SPAG9: variants seen among roughly 807,000 people sequenced by gnomAD.
SPAG9 encodes sperm associated antigen 9.
A neutral mutation model predicts 166.5 loss-of-function variants in SPAG9; 35 were observed. The observed-to-expected ratio is 0.21, with a 90% CI of 0.16 to 0.28. SPAG9 has a LOEUF of 0.28. Among genes scored for constraint, SPAG9 ranks in the 10% least tolerant of loss-of-function variants. SPAG9 has a pLI of 1.00. For synonymous variants in SPAG9, 534 were observed against 565.5 expected, an observed-to-expected ratio of 0.94 and a Z score of 0.79; for missense variants, 1,235 against 1,603.3, an observed-to-expected ratio of 0.77 and a Z score of 3.92.
intron 19 of SPAG9, among the ~76,000 whole-genome samples, chr17:50,991,872 C>T (rs1016214452): frequency 3.3e-5 from 5 of 151,224 alleles, no homozygotes; most frequent in Non-Finnish European, 7.4e-5. Context: ...GATCCGCCCA[C>T]CTCAGCCTCC....
rs529852613 is a variant in SPAG9, at chr17:51,113,926, C to T, written c.303+6428G>A. On this transcript the variant is annotated intron_variant, in intron 1 of 29. Coordinates refer to ENST00000262013, the MANE Select transcript of SPAG9 (RefSeq NM_001130528.3). ...GGGAGGATCGCTTGAACCCAGGAGGCAGAGGTTGCAGTCAGCCGGGATTAC... is the reference window on the plus strand; with the variant it reads ...GGGAGGATCGCTTGAACCCAGGAGGTAGAGGTTGCAGTCAGCCGGGATTAC... 4.3e-4 allele frequency among the ~76,000 whole-genome samples: 65 copies of T among 152,218 alleles called. No individual in the cohort carries two copies. In the South Asian group the frequency reaches 0.013, roughly 30 times the overall value.
chr17:50,984,495 G>A (rs553364178), intron 24 of SPAG9, among the ~76,000 whole-genome samples: 1 of 152,216 alleles, frequency 6.6e-6, no homozygotes, highest in African/African-American at 2.4e-5. Context: ...GACCATCCTG[G>A]CTAACACAGT....
chr17:50,982,812 G>T (rs1974757117), intron 24 of SPAG9, 140 bp from the exon 25 acceptor site: 5 of 782,280 alleles, frequency 6.4e-6, no homozygotes, highest in Non-Finnish European at 9.6e-6. Context: ...TCTTTTATTT[G>T]CAGCCTGGGT....
At chr17:51,060,505 TAAAAAA>T (rs35700642) in intron 2 of SPAG9, among the ~76,000 whole-genome samples, 1 of 101,490 alleles carries the variant, frequency 9.9e-6, no homozygotes, top group Non-Finnish European at 2.2e-5. Flanking sequence ...TTTGTCTTTT[TAAAAAA>T]AAAAAAAAAA....
At chr17:50,999,870 T>TGTCA (rs1392167974) in intron 13 of SPAG9, among the ~76,000 whole-genome samples, 153 bp from the exon 14 acceptor site, 1 of 152,204 alleles carries the variant, frequency 6.6e-6, no homozygotes, top group Non-Finnish European at 1.5e-5. Context: ...ACCTACCATG[T>TGTCA]GTCAGTCAAT....
intron 6 of SPAG9, among the ~76,000 whole-genome samples, chr17:51,021,596 A>T (rs2045938694): frequency 6.6e-6 from 1 of 152,212 alleles, no homozygotes; most frequent in Admixed American, 6.5e-5. Flanking sequence ...TAAACAGAAA[A>T]TTTGAAAATA....
chr17:51,030,753 C>A (rs1373670195), intron 6 of SPAG9, among the ~76,000 whole-genome samples: 1 of 152,108 alleles, frequency 6.6e-6, no homozygotes, highest in African/African-American at 2.4e-5. Context: ...TATGAATGTC[C>A]TAACTCTGAG....
chr17:51,046,705 C>G, intron 4 of SPAG9: 1 of 1,535,938 alleles, frequency 6.5e-7, no homozygotes, highest in Non-Finnish European at 8.7e-7. Flanking sequence ...AGGAGGCCTA[C>G]ACGGGGGCCA....
At chr17:50,982,746 T>G (rs12453116) in intron 24 of SPAG9, 74 bp from the exon 25 acceptor site, 373,789 of 1,305,090 alleles carry the variant, frequency 0.29, 56,501 homozygotes, top group Admixed American at 0.36. Context: ...AACATTTTAT[T>G]TGTTGTATAA....
chr17:51,035,359 A>C (rs1027364695), intron 5 of SPAG9, among the ~76,000 whole-genome samples: 19 of 152,194 alleles, frequency 1.2e-4, no homozygotes, highest in African/African-American at 4.3e-4. Flanking sequence ...CTATTTTTGC[A>C]ACTTTTCTGT....
intron 28 of SPAG9, among the ~76,000 whole-genome samples, chr17:50,973,756 C>A (rs1973995589): frequency 6.6e-6 from 1 of 152,112 alleles, no homozygotes; most frequent in South Asian, 2.1e-4. Context: ...CAGTTGAAAG[C>A]CTTAGAAGAA....
chr17:51,091,897 T>C (rs2048476487), intron 1 of SPAG9, among the ~76,000 whole-genome samples: 1 of 151,868 alleles, frequency 6.6e-6, no homozygotes, highest in African/African-American at 2.4e-5. Context: ...AAAATGCTTT[T>C]AAGTCCAGAT....
chr17:51,073,095 G>A (rs1301274294), intron 2 of SPAG9, among the ~76,000 whole-genome samples: 3 of 152,188 alleles, frequency 2.0e-5, no homozygotes, highest in African/African-American at 7.2e-5. Flanking sequence ...GGAGGCAGAG[G>A]TGGGCGGATC....
In SPAG9 at chr17:50,996,599, G is replaced by C. The variant is rs1172574865; in HGVS notation, c.1934C>G (p.Ala645Gly). The stretch of plus-strand genomic sequence containing the variant: ...CTTCTGAGGCAGACTCCAGCCAAAA[G>C]CCTGCACTCTACCGTCTTCCTTCTG... ...HVQKEDGRVQAFGWSLPQKYK... is the reference protein window; with the variant it reads ...HVQKEDGRVQGFGWSLPQKYK... Residue 645 changes from alanine to glycine, a missense_variant, in exon 16 of 30, where the codon GCT (alanine) becomes GGT (glycine). Ala to Gly is a moderately conservative substitution (Grantham distance 60, BLOSUM62 0). This residue lies in a region of SPAG9 where 493 missense variants were observed against 559.4 expected (regional missense o/e 0.88). Transcript: ENST00000262013. 2.5e-6 allele frequency: 4 copies of C among 1,614,142 alleles called. No homozygotes were observed. The highest frequency in any genetic ancestry group is 2.2e-5 in the East Asian group (1 of 44,872).
At chr17:51,119,735 G>C (rs1303889259) in intron 1 of SPAG9, among the ~76,000 whole-genome samples, 3 of 152,118 alleles carry the variant, frequency 2.0e-5, no homozygotes, top group Non-Finnish European at 2.9e-5. Context: ...TTTGGTTTGG[G>C]ATACCAACGA....
At chr17:51,022,499 T>C (rs945607634) in intron 6 of SPAG9, among the ~76,000 whole-genome samples, 3 of 152,062 alleles carry the variant, frequency 2.0e-5, no homozygotes, top group Non-Finnish European at 4.4e-5. Context: ...TTTTATCAGA[T>C]ATTCAAAGGG....
In SPAG9 at chr17:51,056,816, A is replaced by G. The variant is rs113990184; in HGVS notation, c.425-334T>C. 8.4e-3 allele frequency among the ~76,000 whole-genome samples: 1,277 copies of G among 152,208 alleles called. 17 individuals are homozygous for G. The highest frequency in any genetic ancestry group is 0.029 in the African/African-American group (1,203 of 41,514). On this transcript the variant is annotated intron_variant, in intron 2 of 29. Transcript: ENST00000262013. The stretch of plus-strand genomic sequence containing the variant: ...TTAAACTGGGATTAGGGCCCAAATA[A>G]TGTATTTCCAACACTACTCAAGCTC...
At chr17:51,079,435 C>T in intron 2 of SPAG9, 149 bp downstream of exon 2, 1 of 604,356 alleles carries the variant, frequency 1.7e-6, no homozygotes, top group Non-Finnish European at 2.8e-6. Flanking sequence ...GACGAGGTTT[C>T]ACCATGTTGA....
chr17:51,092,772 A>G (rs1412690555), intron 1 of SPAG9, among the ~76,000 whole-genome samples: 1 of 151,256 alleles, frequency 6.6e-6, no homozygotes, highest in Non-Finnish European at 1.5e-5. Context: ...AAAAAAGAAA[A>G]AAAGAAAAAG....
Sources: allele counts gnomAD v4.1 joint callset (sites outside exome capture counted in the v4.1 genomes callset), GRCh38; gene constraint gnomAD v4.1.1; regional missense constraint gnomAD v4.1.1; transcripts MANE v1.5; gene names NCBI Gene and HGNC (gene_info 2026-07-23, HGNC 2026-07-21).